Variants in SLC4A1AP observed in about 807,000 individuals in gnomAD.
SLC4A1AP encodes the protein solute carrier family 4 member 1 adaptor protein.
In SLC4A1AP, 64 loss-of-function variants were observed where a neutral mutation model predicts 89.7. The ratio of observed to expected loss-of-function variants is 0.71; its 90% CI spans 0.58 to 0.88. SLC4A1AP has a LOEUF of 0.88. Among genes scored for constraint, SLC4A1AP ranks in the 40% least tolerant of loss-of-function variants. The probability of loss-of-function intolerance (pLI) is 0.00; values close to 1 mark genes in which losing one functional copy is unlikely to be tolerated. For missense variants in SLC4A1AP, 931 were observed against 965.0 expected, an observed-to-expected ratio of 0.96 and a Z score of 0.47; for synonymous variants, 366 against 353.3, an observed-to-expected ratio of 1.04 and a Z score of -0.40.
intron 3 of SLC4A1AP, chr2:27,668,606 T>C (rs1196807730): frequency 6.0e-6 from 4 of 661,212 alleles, no homozygotes; most frequent in Non-Finnish European, 1.1e-5. Flanking sequence ...CGTACCATCA[T>C]GCCCGGCTAA....
At chr2:27,680,861 G>GA (rs1053780801) in intron 8 of SLC4A1AP, among the ~76,000 whole-genome samples, 87 of 149,230 alleles carry the variant, frequency 5.8e-4, no homozygotes, top group African/African-American at 2.1e-3. Flanking sequence ...AAACGAAAAC[G>GA]AAATATGTCT....
chr2:27,667,415 C>T (rs1339872078), intron 3 of SLC4A1AP, 25 bp downstream of exon 3: 2 of 1,601,488 alleles, frequency 1.2e-6, no homozygotes, highest in South Asian at 1.1e-5. Context: ...TCTGACCCTA[C>T]CACTAAAACA....
At chr2:27,675,766 A>G (rs1675510299) in intron 6 of SLC4A1AP, 74 bp downstream of exon 6, 5 of 972,816 alleles carry the variant, frequency 5.1e-6, no homozygotes, top group South Asian at 3.4e-5. Flanking sequence ...TTATTTAAAT[A>G]TGTTTTATGA....
intron 6 of SLC4A1AP, among the ~76,000 whole-genome samples, chr2:27,676,673 T>A (rs1234178838): frequency 6.8e-6 from 1 of 146,552 alleles, no homozygotes; most frequent in African/African-American, 2.5e-5. Flanking sequence ...AAAAAAAAAA[T>A]ACAAAAATTA....
Position 27,664,064 on chromosome 2 carries a change from G to A in SLC4A1AP, c.312G>A (p.Gly104=), listed in dbSNP as rs1418769633. The A allele has an allele frequency of 2.5e-6, 4 of 1,614,170 alleles. No individual in the cohort carries two copies. The highest frequency in any genetic ancestry group is 3.4e-6 in the Non-Finnish European group (4 of 1,180,034). Residue 104 remains glycine (G), a synonymous_variant, in exon 1 of 14, where the codon GGG becomes GGA. Coordinates refer to ENST00000613058, the Ensembl canonical transcript of SLC4A1AP. ...ACCCTGAGGAGGTACAGAAGGAAGG[G>A]CCCACTGCGTTGCAGGACTCCAATT...
chr2:27,685,330 G>T, intron 10 of SLC4A1AP, 53 bp downstream of exon 10: 2 of 1,547,834 alleles, frequency 1.3e-6, no homozygotes, highest in Admixed American at 4.2e-5. Flanking sequence ...TACATTGATT[G>T]TGGATAGGTT....
chr2:27,693,612 C>T, intron 12 of SLC4A1AP, 73 bp from the exon 13 acceptor site: 2 of 1,223,756 alleles, frequency 1.6e-6, no homozygotes, highest in South Asian at 1.3e-5. Context: ...AATAGGACCC[C>T]AATCCCTTCT....
exon 8 of SLC4A1AP, chr2:27,677,809 G>A: frequency 6.2e-7 from 1 of 1,613,858 alleles, no homozygotes; most frequent in Non-Finnish European, 8.5e-7. Flanking sequence ...CAGTACATTA[G>A]ATGGTGTGTC....
chr2:27,665,916 T>TGCTAGAGTGAAAGTTTGGAG (rs1348306452), intron 2 of SLC4A1AP, among the ~76,000 whole-genome samples: 6 of 152,144 alleles, frequency 3.9e-5, no homozygotes, highest in Non-Finnish European at 7.4e-5. Context: ...CTAGAAACCA[T>TGCTAGAGTGAAAGTTTGGAG]AAGTATGCTA....
At chr2:27,694,842 C>T in exon 14 of SLC4A1AP, 1 of 480,286 alleles carries the variant, frequency 2.1e-6, no homozygotes, top group East Asian at 3.1e-5. Flanking sequence ...ATTTATCTGC[C>T]CATATGATTC....
intron 8 of SLC4A1AP, among the ~76,000 whole-genome samples, chr2:27,678,588 A>G (rs1675561942): frequency 1.3e-5 from 2 of 152,112 alleles, no homozygotes; most frequent in African/African-American, 2.4e-5. Flanking sequence ...TAGACAGCCA[A>G]CCACCCAGGA....
intron 5 of SLC4A1AP, among the ~76,000 whole-genome samples, chr2:27,672,596 TG>T (rs1225723504): frequency 6.6e-6 from 1 of 152,228 alleles, no homozygotes; most frequent in African/African-American, 2.4e-5. Context: ...ATGTGGTCTC[TG>T]TTCTGCATGT....
chr2:27,668,850 A>G, exon 4 of SLC4A1AP: 1 of 1,614,080 alleles, frequency 6.2e-7, no homozygotes, highest in Non-Finnish European at 8.5e-7. Context: ...CAGGAGAAGA[A>G]TTAGAATATG....
In SLC4A1AP at chr2:27,669,155, TA is replaced by T. The variant is rs906963886; in HGVS notation, c.1206-83del. 7,827 of 1,148,974 alleles carry T rather than the reference TA, an allele frequency of 6.8e-3. 10 individuals are homozygous for T. Among genetic ancestry groups the T allele is most frequent in the African/African-American group, 0.02 (1,268 of 62,802 alleles). 71.2% of individuals were successfully genotyped at this position (1,148,974 alleles called of 1,614,324 possible). A position where few individuals can be genotyped will look rare whatever the true frequency, so the allele number is the denominator to read the frequency against. ...TGGATTCAAAGACTGAAAGGCCATC[TA>T]AAAAAAAAATGACTATTATCATAGC... is the stretch of plus-strand genomic sequence containing the variant. On this transcript the variant is annotated intron_variant, in intron 4 of 13. Coordinates refer to ENST00000613058, the Ensembl canonical transcript of SLC4A1AP.
chr2:27,677,575 A>G (rs1449719838), intron 7 of SLC4A1AP, among the ~76,000 whole-genome samples, 163 bp from the exon 8 acceptor site: 1 of 152,252 alleles, frequency 6.6e-6, no homozygotes, highest in East Asian at 1.9e-4. Context: ...TTGAGACAAA[A>G]TGACTTCCCA....
At chr2:27,665,144 A>C (rs372776016) in exon 2 of SLC4A1AP, 47 of 1,613,720 alleles carry the variant, frequency 2.9e-5, no homozygotes, top group Non-Finnish European at 4.0e-5. Flanking sequence ...TAACAGTAAC[A>C]CAGTTGAAGG....
chr2:27,687,208 A>G (rs1259377659), intron 10 of SLC4A1AP, among the ~76,000 whole-genome samples: 1 of 152,156 alleles, frequency 6.6e-6, no homozygotes, highest in East Asian at 1.9e-4. Context: ...TCACATGCAT[A>G]TGCCATAATG....
At chr2:27,668,332 A>G (rs971298648) in intron 3 of SLC4A1AP, among the ~76,000 whole-genome samples, 2 of 152,052 alleles carry the variant, frequency 1.3e-5, no homozygotes, top group Non-Finnish European at 1.5e-5. Context: ...TTGTATTTTT[A>G]GTAGAGACGG....
chr2:27,693,416 A>G (rs1675821000), intron 12 of SLC4A1AP: 1 of 413,372 alleles, frequency 2.4e-6, no homozygotes, highest in African/African-American at 2.1e-5. Flanking sequence ...ATTCTGGTGC[A>G]TGCCAACCTT....
Sources: allele counts gnomAD v4.1 joint callset (sites outside exome capture counted in the v4.1 genomes callset), GRCh38; gene constraint gnomAD v4.1.1; transcripts MANE v1.5; gene names NCBI Gene and HGNC (gene_info 2026-07-23, HGNC 2026-07-21).